The following MLF1 variants were observed in gnomAD, a reference collection of about 807,000 sequenced individuals.
MLF1 encodes myeloid leukemia factor 1, also known as myelodysplasia-myeloid leukemia factor 1.
A neutral mutation model predicts 38.3 loss-of-function variants in MLF1; 37 were observed. That is an observed-to-expected ratio of 0.96 (90% confidence interval 0.74 to 1.27). The LOEUF (loss-of-function observed/expected upper bound fraction) is 1.27. Among genes scored for constraint, MLF1 ranks in the 50% most tolerant of loss-of-function variants. The pLI is 0.00. For missense variants in MLF1, 331 were observed against 349.2 expected (o/e 0.95, Z 0.42); for synonymous variants, 95 against 106.5 (o/e 0.89, Z 0.66).
At chr3:158,572,340 G>A (rs1325111163) in intron 1 of MLF1, among the ~76,000 whole-genome samples, 1 of 146,152 alleles carries the variant, frequency 6.8e-6, no homozygotes, top group Non-Finnish European at 1.5e-5. Context: ...CAGGGACGAG[G>A]GTTGAGGGCG....
intron 3 of MLF1, among the ~76,000 whole-genome samples, chr3:158,595,210 C>T (rs945872135): frequency 1.3e-5 from 2 of 151,934 alleles, no homozygotes; most frequent in African/African-American, 4.8e-5. Flanking sequence ...AGACAGGTGA[C>T]CAGCGGTGGC....
chr3:158,604,013 A>G (rs1720165720), intron 7 of MLF1, among the ~76,000 whole-genome samples: 1 of 152,230 alleles, frequency 6.6e-6, no homozygotes, highest in African/African-American at 2.4e-5. Flanking sequence ...GCTATAAGAA[A>G]GTGGAAAATT....
chr3:158,598,272 A>G (rs1719194710), intron 5 of MLF1, 64 bp downstream of exon 5: 1 of 1,521,788 alleles, frequency 6.6e-7, no homozygotes, highest in South Asian at 1.2e-5. Flanking sequence ...TGTCTAGATC[A>G]AATTTTAACT....
chr3:158,586,274 T>C (rs1197649491), intron 1 of MLF1, among the ~76,000 whole-genome samples: 4 of 151,632 alleles, frequency 2.6e-5, no homozygotes, highest in Non-Finnish European at 5.9e-5. Context: ...TAAAAAAATA[T>C]ATATAAAAAA....
chr3:158,591,716 A>G (rs1718179334), intron 1 of MLF1, among the ~76,000 whole-genome samples: 1 of 152,142 alleles, frequency 6.6e-6, no homozygotes, highest in African/African-American at 2.4e-5. Context: ...GTCCAACTGG[A>G]ACAAAGTTGG....
At chr3:158,593,918 G>A (rs1008963822) in intron 3 of MLF1, among the ~76,000 whole-genome samples, 1 of 152,138 alleles carries the variant, frequency 6.6e-6, no homozygotes, top group African/African-American at 2.4e-5. Context: ...TCTACCACCT[G>A]TTTCTTAGGG....
intron 1 of MLF1, among the ~76,000 whole-genome samples, chr3:158,588,460 G>A (rs546523756): frequency 6.6e-6 from 1 of 152,204 alleles, no homozygotes; most frequent in African/African-American, 2.4e-5. Context: ...AATTAGCTGG[G>A]TGTGGTGGCT....
chr3:158,582,775 ACTGT>A, intron 1 of MLF1: 1 of 593,614 alleles, frequency 1.7e-6, no homozygotes, highest in Non-Finnish European at 2.9e-6. Flanking sequence ...GAAGAAATAG[ACTGT>A]CTCAGACAAA....
intron 1 of MLF1, among the ~76,000 whole-genome samples, chr3:158,589,675 G>A (rs2108607573): frequency 6.6e-6 from 1 of 152,260 alleles, no homozygotes; most frequent in Admixed American, 6.5e-5. Context: ...GTTTCCTATT[G>A]CTTCTATAAC....
At position 158,571,235 on chromosome 3, in the gene MLF1, G is replaced by A. The variant is rs1158094204; in HGVS notation, c.-66G>A. The A allele has an allele frequency of 7.4e-7, 1 of 1,351,490 alleles. No individual in the cohort carries two copies. Among genetic ancestry groups the A allele is most frequent in the African/African-American group, 1.4e-5 (1 of 69,788 alleles). The allele number at this position is 1,351,490 out of a possible 1,614,324, so 83.7% of individuals were successfully genotyped here. A position where few individuals can be genotyped will look rare whatever the true frequency, so the allele number is the denominator to read the frequency against. ...GTACTGGAGGCTAGCTCTTGTCGCG[G>A]CCGCGGCGAGTTAACATCGTTTTTC... On this transcript the variant is annotated 5_prime_UTR_variant, in exon 1 of 8. Transcript: ENST00000466246.
chr3:158,587,067 G>C (rs1296765815), intron 1 of MLF1, among the ~76,000 whole-genome samples: 2 of 152,212 alleles, frequency 1.3e-5, no homozygotes, highest in Admixed American at 1.3e-4. Context: ...ATTGAATGCA[G>C]ATTCCTGATA....
In MLF1 at chr3:158,586,239, C is replaced by T. The variant is rs371501769; in HGVS notation, c.48-6195C>T. Among the ~76,000 whole-genome samples the T allele has an allele frequency of 4.7e-5, 7 of 150,246 alleles. 1 individual carries two copies. Among genetic ancestry groups the T allele is most frequent in the East Asian group, 3.9e-4 (2 of 5,118 alleles). On this transcript the variant is annotated intron_variant, in intron 1 of 7. Coordinates refer to ENST00000466246, the MANE Select transcript of MLF1 (RefSeq NM_001369783.1). ...AATTTTTTTTAATCTACACTTGGAC[C>T]CATGAAAGTGCAATTTTGATACATT...
At chr3:158,576,770 T>G (rs1715508773) in intron 1 of MLF1, among the ~76,000 whole-genome samples, 1 of 151,658 alleles carries the variant, frequency 6.6e-6, no homozygotes, top group South Asian at 2.1e-4. Context: ...CCTCCCAGGT[T>G]CAAGTGATTC....
In MLF1 at chr3:158,571,229, G is replaced by A; in HGVS notation, c.-72G>A. 1 of 1,305,448 alleles carries A rather than the reference G, an allele frequency of 7.7e-7. No individual in the cohort carries two copies. The highest frequency in any genetic ancestry group is 1.2e-5 in the South Asian group (1 of 81,764). The allele number at this position is 1,305,448 out of a possible 1,614,324, so 80.9% of individuals were successfully genotyped here. On this transcript the variant is annotated 5_prime_UTR_variant, in exon 1 of 8. Transcript: ENST00000466246. ...TCGTCCGTACTGGAGGCTAGCTCTTGTCGCGGCCGCGGCGAGTTAACATCG... is the reference window on the plus strand; with the variant it reads ...TCGTCCGTACTGGAGGCTAGCTCTTATCGCGGCCGCGGCGAGTTAACATCG...
rs1720438532 is a variant in MLF1, at chr3:158,605,885, T to C, written c.*683T>C. 5.5e-6 allele frequency: 1 copy of C among 180,952 alleles called. No individual in the cohort carries two copies. The highest frequency in any genetic ancestry group is 6.3e-5 in the Admixed American group (1 of 15,942). The allele number at this position is 180,952 out of a possible 1,614,324, so 11.2% of individuals were successfully genotyped here. A position where few individuals can be genotyped will look rare whatever the true frequency, so the allele number is the denominator to read the frequency against. On this transcript the variant is annotated 3_prime_UTR_variant, in exon 8 of 8. Coordinates refer to ENST00000466246, the MANE Select transcript of MLF1 (RefSeq NM_001369783.1). ...TACATTCTTAATATTCACCAGATAT[T>C]ATATTGACCATTCTCTTTAACTTCT...
chr3:158,594,191 C>T (rs1718571527), intron 3 of MLF1, among the ~76,000 whole-genome samples: 2 of 152,014 alleles, frequency 1.3e-5, no homozygotes, highest in Non-Finnish European at 2.9e-5. Flanking sequence ...GTAAAATGAT[C>T]AGGAAGTTCA....
chr3:158,575,573 A>T (rs1338650282), intron 1 of MLF1, among the ~76,000 whole-genome samples: 1 of 152,200 alleles, frequency 6.6e-6, no homozygotes, highest in Non-Finnish European at 1.5e-5. Flanking sequence ...AAACTCCTTA[A>T]TGAATCATCC....
At chr3:158,572,343 T>C in intron 1 of MLF1, among the ~76,000 whole-genome samples, 1 of 125,172 alleles carries the variant, frequency 8.0e-6, no homozygotes, top group East Asian at 2.5e-4. Context: ...GGACGAGGGT[T>C]GAGGGCGTGA....
intron 5 of MLF1, among the ~76,000 whole-genome samples, chr3:158,598,769 A>G (rs1228366981): frequency 6.6e-5 from 10 of 152,072 alleles, no homozygotes; most frequent in South Asian, 2.1e-4. Context: ...TCTGAGGTCT[A>G]TTTTCCCTTT....
Sources: allele counts gnomAD v4.1 joint callset (sites outside exome capture counted in the v4.1 genomes callset), GRCh38; gene constraint gnomAD v4.1.1; transcripts MANE v1.5; gene names NCBI Gene and HGNC (gene_info 2026-07-23, HGNC 2026-07-21).